KLHL29: variants seen among roughly 807,000 people sequenced by gnomAD.
KLHL29 encodes kelch-like protein 29.
KLHL29 carries 21 observed loss-of-function variants against 80.4 expected under a neutral mutation model. The ratio of observed to expected loss-of-function variants is 0.26; its 90% confidence interval spans 0.19 to 0.38. The LOEUF (loss-of-function observed/expected upper bound fraction) is 0.38, where lower values mean the gene tolerates loss of function less well. Among genes scored for constraint, KLHL29 ranks in the 10% least tolerant of loss-of-function variants. The pLI is 1.00. For missense variants in KLHL29, 867 were observed against 1,223.9 expected, an observed-to-expected ratio of 0.71 and a Z score of 4.35; for synonymous variants, 511 against 526.8, an observed-to-expected ratio of 0.97 and a Z score of 0.41.
chr2:23,699,811 G>C (rs1672245467), intron 11 of KLHL29, among the ~76,000 whole-genome samples: 1 of 152,280 alleles, frequency 6.6e-6, no homozygotes, highest in African/African-American at 2.4e-5. Flanking sequence ...CTGCAAGGCA[G>C]CCTTTCTGGG....
At chr2:23,443,068 A>G (rs1450501968) in intron 1 of KLHL29, among the ~76,000 whole-genome samples, 3 of 152,078 alleles carry the variant, frequency 2.0e-5, no homozygotes, top group African/African-American at 4.8e-5. Flanking sequence ...CCCTTCCCCA[A>G]TTTTTATTAT....
chr2:23,640,159 T>G (rs1669726455), intron 4 of KLHL29, among the ~76,000 whole-genome samples: 2 of 152,192 alleles, frequency 1.3e-5, no homozygotes, highest in South Asian at 4.2e-4. Flanking sequence ...GGAGACCCAA[T>G]AGCAAGGCTT....
intron 3 of KLHL29, among the ~76,000 whole-genome samples, chr2:23,584,461 G>C (rs903847115): frequency 2.0e-5 from 3 of 152,222 alleles, no homozygotes; most frequent in Non-Finnish European, 4.4e-5. Context: ...GCTCTGCCCA[G>C]CGGTGTTCAT....
intron 3 of KLHL29, among the ~76,000 whole-genome samples, chr2:23,580,190 G>GT (rs1385774228): frequency 6.6e-6 from 1 of 152,002 alleles, no homozygotes; most frequent in Non-Finnish European, 1.5e-5. Context: ...CTAACATGGT[G>GT]AAACCCTGTC....
intron 1 of KLHL29, among the ~76,000 whole-genome samples, chr2:23,389,083 C>T (rs1447319789): frequency 6.9e-6 from 1 of 145,600 alleles, no homozygotes; most frequent in Non-Finnish European, 1.5e-5. Context: ...GACTTCGAGA[C>T]TATATTAGAG....
At chr2:23,531,039 G>A (rs1407410699) in intron 2 of KLHL29, among the ~76,000 whole-genome samples, 1 of 152,238 alleles carries the variant, frequency 6.6e-6, no homozygotes, top group African/African-American at 2.4e-5. Flanking sequence ...TCTGTAGGAT[G>A]TTTGTTTTAA....
rs35002083 is a variant in KLHL29 at position 23,633,756 on chromosome 2, C to CTGTGTGTGTGTGTGTGTGTGT, written c.286-5383_286-5382insTGTGTGTGTGTGTGTGTGTGT. ...TCTCTGTCAAAAGAGTCACAGCACTCGTGTGTGTGTGTGTGTGTGTGTGTG... is the reference window on the plus strand; with the variant it reads ...TCTCTGTCAAAAGAGTCACAGCACTCTGTGTGTGTGTGTGTGTGTGTGTGTGTGTGTGTGTGTGTGTGTGTG... On this transcript the variant is annotated intron_variant, in intron 3 of 13. Transcript: ENST00000486442. Among the ~76,000 whole-genome samples the CTGTGTGTGTGTGTGTGTGTGT allele has an allele frequency of 5.2e-3, 765 of 147,202 alleles. 10 individuals carry two copies. Among genetic ancestry groups the CTGTGTGTGTGTGTGTGTGTGT allele is most frequent in the African/African-American group, 7.0e-3 (274 of 39,162 alleles).
At chr2:23,639,871 A>G (rs1669718426) in intron 4 of KLHL29, among the ~76,000 whole-genome samples, 1 of 152,138 alleles carries the variant, frequency 6.6e-6, no homozygotes, top group African/African-American at 2.4e-5. Context: ...AAAGTCTTGG[A>G]ATAAACACAC....
At position 23,457,244 on chromosome 2, in the gene KLHL29, C is replaced by T. The variant is rs1423234289; in HGVS notation, c.-153-18316C>T. Among the ~76,000 whole-genome samples, 3 of 152,174 alleles carry T rather than the reference C, an allele frequency of 2.0e-5. No homozygotes were observed. The highest frequency in any genetic ancestry group is 2.1e-4 in the South Asian group (1 of 4,830). On this transcript the variant is annotated intron_variant, in intron 1 of 13. Coordinates refer to ENST00000486442, the MANE Select transcript of KLHL29 (RefSeq NM_052920.2). The surrounding 1 kb of genome is among the most constrained non-coding windows in gnomAD (Gnocchi z 4.3). ...GTGACTGGTGTAGGATGATGTTTGACCAATGCTGAACTCATATGGGCTCTG... is the reference window on the plus strand; with the variant it reads ...GTGACTGGTGTAGGATGATGTTTGATCAATGCTGAACTCATATGGGCTCTG...
chr2:23,417,252 C>T (rs2103399024), intron 1 of KLHL29, among the ~76,000 whole-genome samples: 1 of 152,280 alleles, frequency 6.6e-6, no homozygotes, highest in South Asian at 2.1e-4. Context: ...CCCATTCATT[C>T]TCCATCCAGA....
At chr2:23,594,408 C>T (rs532334015) in intron 3 of KLHL29, among the ~76,000 whole-genome samples, 1 of 152,164 alleles carries the variant, frequency 6.6e-6, no homozygotes, top group Non-Finnish European at 1.5e-5. Context: ...ACATTTCGTT[C>T]CTCCTGGATT....
At chr2:23,466,996 A>G (rs942071698) in intron 1 of KLHL29, among the ~76,000 whole-genome samples, 2 of 151,260 alleles carry the variant, frequency 1.3e-5, no homozygotes, top group African/African-American at 4.9e-5. Flanking sequence ...TCTCATCCCA[A>G]CTCTCCTGCT....
intron 1 of KLHL29, among the ~76,000 whole-genome samples, chr2:23,411,951 A>T (rs752493525): frequency 1.3e-5 from 2 of 152,164 alleles, no homozygotes; most frequent in Non-Finnish European, 2.9e-5. Context: ...TCCTTTGGGC[A>T]TGTCTGACTT....
intron 1 of KLHL29, among the ~76,000 whole-genome samples, chr2:23,433,776 G>T (rs1415469296): frequency 2.0e-5 from 3 of 152,118 alleles, no homozygotes; most frequent in Admixed American, 6.5e-5. Context: ...AAAAATTGCT[G>T]GGCATGGTGG....
At chr2:23,633,962 C>T (rs1669541290) in intron 3 of KLHL29, among the ~76,000 whole-genome samples, 1 of 152,158 alleles carries the variant, frequency 6.6e-6, no homozygotes, top group Admixed American at 6.5e-5. Flanking sequence ...TTAATGGTGG[C>T]ACCAGTCTCT....
rs547025701 is a variant in KLHL29 at position 23,642,755 on chromosome 2, A to G, written c.845A>G (p.Asn282Ser). 84 of 1,550,208 alleles carry G rather than the reference A, an allele frequency of 5.4e-5. No individual in the cohort carries two copies. The Middle Eastern group carries it at 8.3e-4, about 15-fold the overall frequency. Residue 282 changes from asparagine (N) to serine (S), a missense_variant, in exon 5 of 14, where the codon AAT (asparagine) becomes AGT (serine). Asn to Ser is a conservative substitution (Grantham distance 46). Transcript: ENST00000486442. ...ATLPSGAPAT[N>S]GPPTTDSAHG... is the part of the protein sequence containing the mutation. Reference sequence around the variant, plus strand: ...CTCCCCAGTGGTGCCCCTGCCACCAATGGGCCCCCCACAACCGACTCGGCC... The same window carrying G: ...CTCCCCAGTGGTGCCCCTGCCACCAGTGGGCCCCCCACAACCGACTCGGCC...
intron 1 of KLHL29, among the ~76,000 whole-genome samples, chr2:23,453,542 G>A (rs981150668): frequency 6.6e-6 from 1 of 152,188 alleles, no homozygotes; most frequent in Non-Finnish European, 1.5e-5. Flanking sequence ...GCAGTGGGGG[G>A]ACCTTTCCCC....
At chr2:23,571,593 G>A (rs1021425154) in intron 3 of KLHL29, among the ~76,000 whole-genome samples, 1 of 152,178 alleles carries the variant, frequency 6.6e-6, no homozygotes. Flanking sequence ...GAATATGAGG[G>A]TAATCCTGCC....
chr2:23,678,323 G>A (rs141603083), intron 5 of KLHL29, among the ~76,000 whole-genome samples: 6 of 152,278 alleles, frequency 3.9e-5, no homozygotes, highest in Non-Finnish European at 8.8e-5. Context: ...GGTTTGAGAC[G>A]GGTCGTTAGA....
Sources: gnomAD v4.1 joint callset for allele counts (sites outside exome capture counted in the v4.1 genomes callset) on GRCh38, gnomAD v4.1.1 for gene constraint, Gnocchi (gnomAD v3.1) non-coding constraint, MANE v1.5 for transcripts, NCBI Gene and HGNC (gene_info 2026-07-23, HGNC 2026-07-21) for gene names.